Variants in MYO15A observed in about 807,000 individuals in gnomAD.
MYO15A encodes the protein myosin XVA.
A neutral mutation model predicts 394.6 loss-of-function variants in MYO15A; 308 were observed. The ratio of observed to expected loss-of-function variants is 0.78; its 90% CI spans 0.71 to 0.86. The LOEUF (loss-of-function observed/expected upper bound fraction) is 0.86. Among genes scored for constraint, MYO15A ranks in the 40% least tolerant of loss-of-function variants. The pLI is 0.00. For missense variants in MYO15A, 4,606 were observed against 4,799.1 expected, an observed-to-expected ratio of 0.96 and a Z score of 1.19; for synonymous variants, 1,957 against 2,003.8, an observed-to-expected ratio of 0.98 and a Z score of 0.62.
chr17:18,116,612 T>C (rs1426961143), intron 1 of MYO15A, among the ~76,000 whole-genome samples: 1 of 152,118 alleles, frequency 6.6e-6, no homozygotes, highest in Non-Finnish European at 1.5e-5. Flanking sequence ...CAGTTGTTGA[T>C]ATCTCCAGGC....
intron 62 of MYO15A, 71 bp downstream of exon 62, chr17:18,167,794 C>T: frequency 3.1e-6 from 5 of 1,591,196 alleles, no homozygotes; most frequent in Non-Finnish European, 4.3e-6. Flanking sequence ...CCTCCACCCT[C>T]CTCAGAGCTG....
At chr17:18,115,675 G>A (rs985951369) in intron 1 of MYO15A, among the ~76,000 whole-genome samples, 6 of 150,836 alleles carry the variant, frequency 4.0e-5, no homozygotes, top group African/African-American at 9.7e-5. Flanking sequence ...CTCCTCCCAC[G>A]GCTCCTGCCT....
chr17:18,121,726 C>G lies in MYO15A; in HGVS notation c.2926C>G (p.Leu976Val), dbSNP rs565870287. 6.2e-7 allele frequency: 1 copy of G among 1,601,000 alleles called. No homozygotes were observed. The highest frequency in any genetic ancestry group is 8.5e-7 in the Non-Finnish European group (1 of 1,172,386). The change falls in exon 2 of 66, where the codon CTC becomes GTC. Residue 976 changes from leucine (L) to valine (V), a missense_variant. Physicochemically the swap from Leu to Val is conservative, Grantham distance 32. Transcript: ENST00000647165. The surrounding 1 kb of genome is among the most constrained non-coding windows in gnomAD (Gnocchi z 5.3). Reference protein sequence around the residue: ...QLLGPVPSPTLQPEDPAADMT... With the variant: ...QLLGPVPSPTVQPEDPAADMT... ...CCTGGGCCCTGTGCCATCCCCCACC[C>G]TCCAGCCTGAGGATCCAGCTGCTGA...
intron 44 of MYO15A, 99 bp downstream of exon 44, chr17:18,154,289 T>A: frequency 7.0e-7 from 1 of 1,429,364 alleles, no homozygotes; most frequent in South Asian, 1.2e-5. Flanking sequence ...ATGTTGGGAT[T>A]TGGGGTCCTT....
intron 47 of MYO15A, chr17:18,155,968 T>G (rs1597808376): frequency 1.7e-6 from 1 of 593,128 alleles, no homozygotes; most frequent in East Asian, 3.0e-5. Context: ...GGACAAAGGG[T>G]GGAGAGGGGC....
intron 15 of MYO15A, 46 bp from the exon 16 acceptor site, chr17:18,137,538 G>C: frequency 6.3e-7 from 1 of 1,581,310 alleles, no homozygotes; most frequent in South Asian, 1.1e-5. Context: ...CAAACAGGCT[G>C]GTGGCCAAGG....
Position 18,158,658 on chromosome 17 carries a change from CT to C in MYO15A, c.9083+21del, listed in dbSNP as rs757085006. The stretch of plus-strand genomic sequence containing the variant: ...ACCCCAGTGAGTGGCGGCCCCACCC[CT>C]CTTCCCACAGTGGGAGGGTGCTGGG... On this transcript the variant is annotated intron_variant, in intron 52 of 65. Transcript: ENST00000647165. 1 of 1,610,738 alleles carries C rather than the reference CT, an allele frequency of 6.2e-7. No homozygotes were observed. Among genetic ancestry groups the C allele is most frequent in the Non-Finnish European group, 8.5e-7 (1 of 1,176,900 alleles).
At position 18,162,583 on chromosome 17, in the gene MYO15A, A is replaced by G. The variant is rs756013406; in HGVS notation, c.9518-2A>G. 7 of 1,613,686 alleles carry G rather than the reference A, an allele frequency of 4.3e-6. No homozygotes were observed. Among genetic ancestry groups the G allele is most frequent in the South Asian group, 2.2e-5 (2 of 91,058 alleles). On this transcript the variant is annotated splice_acceptor_variant, in intron 57 of 65. Transcript: ENST00000647165. LOFTEE classifies it high-confidence loss of function. ...CGAGGCCTGAACTCCCTGCTTCTGC[A>G]GGGATCGCCAAGGCCTGCGAGCAGA...
At position 18,158,605 on chromosome 17, in the gene MYO15A, A is replaced by G. The variant is rs1597811070; in HGVS notation, c.9050A>G (p.Gln3017Arg). The G allele has an allele frequency of 3.1e-6, 5 of 1,614,172 alleles. No homozygotes were observed. The East Asian group carries it at 1.1e-4, about 36-fold the overall frequency. The change falls in exon 52 of 66, where the codon CAG becomes CGG. Residue 3017 changes from glutamine to arginine, a missense_variant. Coordinates refer to ENST00000647165, the MANE Select transcript of MYO15A (RefSeq NM_016239.4). ...LPPYTMLEFA[Q>R]KYFRDPQRRP... ...CCCTACACAATGCTCGAGTTTGCCC[A>G]GAAGTATTTCCGAGACCCTCAGAGG...
intron 16 of MYO15A, 56 bp from the exon 17 acceptor site, chr17:18,138,059 T>A (rs932681907): frequency 3.1e-6 from 2 of 643,318 alleles, no homozygotes; most frequent in Non-Finnish European, 4.1e-6. Flanking sequence ...GGAGGGAGGG[T>A]GGGTGGGCCC....
chr17:18,153,802 C>G lies in MYO15A; in HGVS notation c.7994C>G (p.Pro2665Arg). The G allele has an allele frequency of 1.2e-6, 2 of 1,613,836 alleles. No individual in the cohort carries two copies. The highest frequency in any genetic ancestry group is 2.2e-5 in the South Asian group (2 of 91,090). Residue 2665 changes from proline (P) to arginine (R), a missense_variant, in exon 43 of 66, where the codon CCT becomes CGT. By Grantham distance (103) the Pro-to-Arg change is moderately radical (BLOSUM62 -2). This residue lies in a region of MYO15A where 2,776 missense variants were observed against 3,109.3 expected (regional missense o/e 0.89). Transcript: ENST00000647165. The surrounding 1 kb of genome is among the most constrained non-coding windows in gnomAD (Gnocchi z 4.1). The part of the protein sequence containing the change: ...SALPSRSLEP[P>R]EELTQTRLHR... ...CTGCCCTCGCGATCGCTGGAGCCCC[C>G]TGAGGAACTCACGCAGACGCGGCTG...
At chr17:18,135,970 C>T (rs2046259870) in intron 13 of MYO15A, 146 bp downstream of exon 13, 1 of 717,982 alleles carries the variant, frequency 1.4e-6, no homozygotes, top group Non-Finnish European at 2.4e-6. Context: ...TAATTTCAGA[C>T]CCCAGAGACA....
At position 18,119,419 on chromosome 17, in the gene MYO15A, C is replaced by T. The variant is rs2045859422; in HGVS notation, c.619C>T (p.Pro207Ser). Residue 207 changes from proline to serine, a missense_variant, in exon 2 of 66, where the codon CCC becomes TCC. By Grantham distance (74) the Pro-to-Ser change is moderately conservative. Coordinates refer to ENST00000647165, the MANE Select transcript of MYO15A (RefSeq NM_016239.4). ...GTCAGGCGAGCCCCTGGGCTTCCTG[C>T]CCTTCGAGGACGAGGCCCCATTCCA... ...YASGEPLGFL[P>S]FEDEAPFHHS... The T allele has an allele frequency of 9.9e-6, 16 of 1,612,010 alleles. No homozygotes were observed. Among genetic ancestry groups the T allele is most frequent in the Non-Finnish European group, 1.3e-5 (15 of 1,179,946 alleles).
Position 18,143,778 on chromosome 17 carries a change from C to T in MYO15A, c.6028C>T (p.Leu2010Phe). The T allele has an allele frequency of 6.3e-7, 1 of 1,589,998 alleles. No individual in the cohort carries two copies. Among genetic ancestry groups the T allele is most frequent in the Non-Finnish European group, 8.6e-7 (1 of 1,168,514 alleles). Residue 2010 changes from leucine to phenylalanine, a missense_variant, in exon 27 of 66, where the codon CTC becomes TTC. By Grantham distance (22) the Leu-to-Phe change is conservative (BLOSUM62 0). This residue lies in a region of MYO15A where 2,776 missense variants were observed against 3,109.3 expected (regional missense o/e 0.89). Coordinates refer to ENST00000647165, the MANE Select transcript of MYO15A (RefSeq NM_016239.4). ...HLEVPAELAG[L>F]LQAVAGLGLA... ...GGAGGTACCGGCTGAGCTGGCTGGGCTCTTGCAAGCAGTGGCAGGTGGGTC... is the reference window on the plus strand; with the variant it reads ...GGAGGTACCGGCTGAGCTGGCTGGGTTCTTGCAAGCAGTGGCAGGTGGGTC...
Position 18,163,965 on chromosome 17 carries a change from C to G in MYO15A, c.9787+127C>G. On this transcript the variant is annotated intron_variant, in intron 60 of 65. Transcript: ENST00000647165. Reference sequence around the variant, plus strand: ...ACTTCCTCCAGGAAGCCCCTTGACCCCCATGTGGAAGGATCTCTGTGTGTA... The same window carrying G: ...ACTTCCTCCAGGAAGCCCCTTGACCGCCATGTGGAAGGATCTCTGTGTGTA... 3.3e-6 allele frequency: 3 copies of G among 911,564 alleles called. No individual in the cohort carries two copies. The Admixed American group carries it at 6.0e-5, about 18-fold the overall frequency. The allele number at this position is 911,564 out of a possible 1,614,324, so 56.5% of individuals were successfully genotyped here. A position where few individuals can be genotyped will look rare whatever the true frequency, so the allele number is the denominator to read the frequency against.
chr17:18,141,504 T>G, intron 22 of MYO15A, 149 bp from the exon 23 acceptor site: 2 of 781,938 alleles, frequency 2.6e-6, no homozygotes, highest in South Asian at 1.4e-5. Flanking sequence ...GAGGATGGAG[T>G]GCCTTTTTTC....
chr17:18,163,243 G>A lies in MYO15A; in HGVS notation c.9613-1G>A, dbSNP rs1168560415. On this transcript the variant is annotated splice_acceptor_variant, in intron 58 of 65. Transcript: ENST00000647165. LOFTEE classifies it high-confidence loss of function. ...ATCCCTCTCCCACCTATCTACCCCA[G>A]GCAGGCCGCAGTTCCAAGAGGCAAC... 1 of 1,614,064 alleles carries A rather than the reference G, an allele frequency of 6.2e-7. No homozygotes were observed. Among genetic ancestry groups the A allele is most frequent in the African/African-American group, 1.3e-5 (1 of 74,928 alleles).
In MYO15A at chr17:18,136,099, C is replaced by A. The variant is rs76544573; in HGVS notation, c.4596+275C>A. On this transcript the variant is annotated intron_variant, in intron 13 of 65. Coordinates refer to ENST00000647165, the MANE Select transcript of MYO15A (RefSeq NM_016239.4). Reference sequence around the variant, plus strand: ...TCCAGGTATCCCCTCCTCTAAGAAGCCTTCCCTAATCTTTGGACGGGTCAG... The same window carrying A: ...TCCAGGTATCCCCTCCTCTAAGAAGACTTCCCTAATCTTTGGACGGGTCAG... Among the ~76,000 whole-genome samples the A allele has an allele frequency of 2.7e-3, 407 of 152,340 alleles. 3 individuals carry two copies. Among genetic ancestry groups the A allele is most frequent in the African/African-American group, 9.2e-3 (381 of 41,568 alleles).
intron 65 of MYO15A, 145 bp from the exon 66 acceptor site, chr17:18,178,624 G>A (rs1360008135): frequency 2.5e-6 from 2 of 800,546 alleles, no homozygotes; most frequent in Non-Finnish European, 4.3e-6. Context: ...CTCCTCTCAG[G>A]CCCTGGGGGA....
Sources: gnomAD v4.1 joint callset for allele counts (sites outside exome capture counted in the v4.1 genomes callset) on GRCh38, gnomAD v4.1.1 for gene constraint, gnomAD v4.1.1 regional missense constraint, Gnocchi (gnomAD v3.1) non-coding constraint, MANE v1.5 for transcripts, NCBI Gene and HGNC (gene_info 2026-07-23, HGNC 2026-07-21) for gene names.